The following UST variants were observed in gnomAD, a reference collection of about 807,000 sequenced individuals.
UST encodes the protein uronyl 2-sulfotransferase.
Under a neutral mutation model 45.6 loss-of-function variants are expected in UST, and 21 were observed. That is an observed-to-expected ratio of 0.46 (90% confidence interval 0.33 to 0.66). The LOEUF (loss-of-function observed/expected upper bound fraction) is 0.66. UST is among the 30% of genes least tolerant of loss of function. The pLI, the probability that UST is intolerant of heterozygous loss-of-function variation, is 0.02. For synonymous variants in UST, 215 were observed against 200.6 expected (o/e 1.07, Z -0.61); for missense variants, 463 against 512.4 (o/e 0.90, Z 0.93).
intron 1 of UST, among the ~76,000 whole-genome samples, chr6:148,872,616 G>T (rs749303352): frequency 6.6e-6 from 1 of 152,124 alleles, no homozygotes; most frequent in Non-Finnish European, 1.5e-5. Context: ...AAATGTAGTG[G>T]CTTAAAATAA....
chr6:148,884,084 GA>G (rs1246552193), intron 1 of UST, among the ~76,000 whole-genome samples: 1 of 147,994 alleles, frequency 6.8e-6, no homozygotes, highest in Non-Finnish European at 1.5e-5. Context: ...AGTGAGCCAA[GA>G]TTGCACCACT....
intron 1 of UST, among the ~76,000 whole-genome samples, chr6:148,882,482 A>G (rs1294224539): frequency 2.3e-5 from 2 of 86,854 alleles, no homozygotes; most frequent in African/African-American, 9.6e-5. Flanking sequence ...GCAAAACTCC[A>G]TCTCAAAAAA....
chr6:148,885,024 T>C (rs1027683737), intron 1 of UST, among the ~76,000 whole-genome samples: 1 of 152,110 alleles, frequency 6.6e-6, no homozygotes, highest in African/African-American at 2.4e-5. Context: ...GGTTCTGTTT[T>C]GGACAGGGGA....
intron 5 of UST, 54 bp from the exon 6 acceptor site, chr6:149,019,085 G>T: frequency 7.6e-7 from 1 of 1,322,622 alleles, no homozygotes; most frequent in Non-Finnish European, 1.1e-6. Flanking sequence ...TGTGGCATTT[G>T]ATAGAGCCTT....
intron 1 of UST, among the ~76,000 whole-genome samples, chr6:148,780,028 G>A (rs1172555815): frequency 6.6e-6 from 1 of 151,566 alleles, no homozygotes; most frequent in African/African-American, 2.4e-5. Flanking sequence ...AGATCAGTGA[G>A]GTATTATTGT....
At chr6:149,038,163 G>A (rs1480093044) in intron 7 of UST, among the ~76,000 whole-genome samples, 1 of 151,816 alleles carries the variant, frequency 6.6e-6, no homozygotes, top group Non-Finnish European at 1.5e-5. Context: ...ACTTACATTG[G>A]TTCACTTGTT....
chr6:148,931,040 C>T (rs1346280065), intron 2 of UST, among the ~76,000 whole-genome samples: 1 of 152,194 alleles, frequency 6.6e-6, no homozygotes, highest in African/African-American at 2.4e-5. Flanking sequence ...GTTTCCCCAG[C>T]CTTTATACTA....
chr6:148,894,814 CTTTTTTTT>C (rs760698349), intron 2 of UST, among the ~76,000 whole-genome samples: 2 of 93,700 alleles, frequency 2.1e-5, no homozygotes, highest in African/African-American at 9.0e-5. Context: ...AATTTCAGTG[CTTTTTTTT>C]TTTTTTTTTT....
intron 1 of UST, among the ~76,000 whole-genome samples, chr6:148,780,962 C>T (rs181153390): frequency 3.7e-4 from 57 of 152,214 alleles, no homozygotes; most frequent in South Asian, 6.2e-4. Context: ...CTCCACCTAC[C>T]TGTGGTTCCC....
chr6:148,765,145 A>G (rs191028307), intron 1 of UST, among the ~76,000 whole-genome samples: 46 of 152,310 alleles, frequency 3.0e-4, no homozygotes, highest in African/African-American at 1.0e-3. Flanking sequence ...AATCGCTGTT[A>G]TCCTGTTCTT....
chr6:148,790,208 A>G lies in UST; in HGVS notation c.247+42531A>G, dbSNP rs1238819004. 6.6e-6 allele frequency among the ~76,000 whole-genome samples: 1 copy of G among 152,032 alleles called. No individual in the cohort carries two copies. The highest frequency in any genetic ancestry group is 2.4e-5 in the African/African-American group (1 of 41,378). On this transcript the variant is annotated intron_variant, in intron 1 of 7. Transcript: ENST00000367463. The surrounding 1 kb of genome is among the most constrained non-coding windows in gnomAD (Gnocchi z 4.2). ...GGCGGCAGCCTCGCTGGGTGGATTG[A>G]GTGGTTACCTTGGATCCCTTCATGC...
At chr6:148,902,288 G>A (rs1779275514) in intron 2 of UST, among the ~76,000 whole-genome samples, 1 of 152,078 alleles carries the variant, frequency 6.6e-6, no homozygotes, top group African/African-American at 2.4e-5. Flanking sequence ...GTACAGTGGT[G>A]TGATCACAGC....
intron 7 of UST, among the ~76,000 whole-genome samples, chr6:149,069,581 C>T (rs1776789050): frequency 6.6e-6 from 1 of 152,100 alleles, no homozygotes; most frequent in African/African-American, 2.4e-5. Context: ...TCACTTTTGA[C>T]AGAGTTATTT....
chr6:148,895,305 AC>A (rs1203588458), intron 2 of UST, among the ~76,000 whole-genome samples: 3 of 152,140 alleles, frequency 2.0e-5, no homozygotes, highest in Non-Finnish European at 2.9e-5. Flanking sequence ...TACACAAAAA[AC>A]ATATTATATT....
chr6:148,810,066 C>A (rs139198837), intron 1 of UST, among the ~76,000 whole-genome samples: 5 of 152,258 alleles, frequency 3.3e-5, no homozygotes, highest in African/African-American at 1.2e-4. Flanking sequence ...TTGCCAAAGT[C>A]AATTTTAGGA....
intron 1 of UST, among the ~76,000 whole-genome samples, chr6:148,832,976 T>C (rs975904331): frequency 1.3e-5 from 2 of 152,146 alleles, no homozygotes; most frequent in Non-Finnish European, 2.9e-5. Context: ...AGCCTTCATC[T>C]CAAATCGTTA....
intron 1 of UST, among the ~76,000 whole-genome samples, chr6:148,841,815 C>A (rs1023878768): frequency 6.6e-6 from 1 of 152,112 alleles, no homozygotes; most frequent in Non-Finnish European, 1.5e-5. Context: ...CAATTAAAAG[C>A]CAAAGGGGGC....
At chr6:148,868,688 G>A (rs1380699350) in intron 1 of UST, among the ~76,000 whole-genome samples, 1 of 151,934 alleles carries the variant, frequency 6.6e-6, no homozygotes, top group African/African-American at 2.4e-5. Flanking sequence ...ACCCTGCCAG[G>A]GTTTTGAAAA....
intron 1 of UST, among the ~76,000 whole-genome samples, chr6:148,866,717 T>TC (rs201514295): frequency 0.013 from 2,048 of 152,348 alleles, 30 homozygotes; most frequent in Admixed American, 0.025. Flanking sequence ...ATTATAATAT[T>TC]AATTTCTCAT....
Sources: allele counts gnomAD v4.1 joint callset (sites outside exome capture counted in the v4.1 genomes callset), GRCh38; gene constraint gnomAD v4.1.1; non-coding constraint Gnocchi (gnomAD v3.1); transcripts MANE v1.5; gene names NCBI Gene and HGNC (gene_info 2026-07-23, HGNC 2026-07-21).